Variants in TTLL8 observed in about 807,000 individuals in gnomAD.
TTLL8 encodes the protein protein monoglycylase TTLL8.
Under a neutral mutation model 77.8 loss-of-function variants are expected in TTLL8, and 65 were observed. The observed-to-expected ratio is 0.84, with a 90% CI of 0.68 to 1.03. TTLL8 has a LOEUF of 1.03. Among genes scored for constraint, TTLL8 ranks in the 50% least tolerant of loss-of-function variants. TTLL8 has a pLI of 0.00. For synonymous variants in TTLL8, 402 were observed against 422.8 expected, an observed-to-expected ratio of 0.95 and a Z score of 0.60; for missense variants, 910 against 1,004.5, an observed-to-expected ratio of 0.91 and a Z score of 1.27.
rs752125710 is a variant in TTLL8 at position 50,041,171 on chromosome 22, G to T, written c.921+16C>A. 1 of 424,282 alleles carries T rather than the reference G, an allele frequency of 2.4e-6. No homozygotes were observed. Among genetic ancestry groups the T allele is most frequent in the Non-Finnish European group, 4.7e-6 (1 of 214,656 alleles). The allele number at this position is 424,282 out of a possible 1,614,324, so 26.3% of individuals were successfully genotyped here. On this transcript the variant is annotated intron_variant, in intron 8 of 13. Transcript: ENST00000266182. The surrounding 1 kb of genome is among the most constrained non-coding windows in gnomAD (Gnocchi z 4.3). ...AGTGAGGCAGGTGCCCCAGTGGAGA[G>T]ACAGACAAACCCCACCTGCCTGTCT...
chr22:50,057,353 GT>G (rs1218746936), upstream of TTLL8, among the ~76,000 whole-genome samples: 1 of 121,394 alleles, frequency 8.2e-6, no homozygotes, highest in Non-Finnish European at 1.6e-5. Flanking sequence ...GGTCTGGGTT[GT>G]GAGTCAGGTC....
chr22:50,043,612 C>CTG, intron 6 of TTLL8, among the ~76,000 whole-genome samples: 6 of 151,542 alleles, frequency 4.0e-5, no homozygotes, highest in Admixed American at 2.0e-4. Flanking sequence ...AACAGTGGTG[C>CTG]CGACGTGTCC....
At position 50,052,166 on chromosome 22, in the gene TTLL8, G is replaced by A. The variant is rs570975610; in HGVS notation, c.52-1919C>T. On this transcript the variant is annotated intron_variant, in intron 1 of 13. Transcript: ENST00000266182. The stretch of plus-strand genomic sequence containing the variant: ...ATAATCAGTCTGAGGCCTGTCACCC[G>A]CCCACGTGGCTGTGCACGTGAATGA... Among the ~76,000 whole-genome samples the A allele has an allele frequency of 7.2e-5, 11 of 152,236 alleles. No homozygotes were observed. The South Asian group carries it at 1.9e-3, about 26-fold the overall frequency.
At chr22:50,056,202 A>G (rs144086694), upstream of TTLL8, among the ~76,000 whole-genome samples, 646 of 152,324 alleles carry the variant, frequency 4.2e-3, 6 homozygotes, top group African/African-American at 0.015. This position sits in a 1 kb window ranked among gnomAD's most constrained non-coding sequence, Gnocchi z 4.1. Context: ...CATACAGAGA[A>G]TTCCTGCAAG....
intron 11 of TTLL8, among the ~76,000 whole-genome samples, chr22:50,031,181 C>G (rs2061288907): frequency 6.6e-6 from 1 of 152,184 alleles, no homozygotes; most frequent in Non-Finnish European, 1.5e-5. Context: ...CTGCTCTTTT[C>G]CCGAGTTTAG....
chr22:50,026,116 G>A (rs1461965650), intron 12 of TTLL8, among the ~76,000 whole-genome samples: 1 of 152,248 alleles, frequency 6.6e-6, no homozygotes, highest in Non-Finnish European at 1.5e-5. Flanking sequence ...TCCTACAGTG[G>A]AAGCAAGGCA....
intron 8 of TTLL8, among the ~76,000 whole-genome samples, chr22:50,037,492 G>T (rs753889618): frequency 2.0e-5 from 3 of 152,200 alleles, no homozygotes; most frequent in South Asian, 2.1e-4. Flanking sequence ...GAGCCACCAC[G>T]CCCGGCCCAA....
intron 8 of TTLL8, among the ~76,000 whole-genome samples, chr22:50,035,453 C>T (rs1004214432): frequency 1.3e-5 from 2 of 152,142 alleles, no homozygotes; most frequent in Admixed American, 6.5e-5. Flanking sequence ...GGTGCCTGGG[C>T]GAGAGCCCCT....
chr22:50,026,683 T>C (rs1432344523), intron 12 of TTLL8, among the ~76,000 whole-genome samples: 2 of 152,238 alleles, frequency 1.3e-5, no homozygotes, highest in African/African-American at 4.8e-5. Flanking sequence ...TGTGGCTGTG[T>C]GGGTATCACA....
At chr22:50,021,023 A>G (rs1481913016) in intron 12 of TTLL8, among the ~76,000 whole-genome samples, 1 of 134,550 alleles carries the variant, frequency 7.4e-6, no homozygotes. Flanking sequence ...CCATCTGACA[A>G]CGTGCATTCC....
intron 12 of TTLL8, among the ~76,000 whole-genome samples, chr22:50,023,684 AAAATAAATAAAT>A (rs56403599): frequency 0.36 from 53,568 of 149,276 alleles, 9,860 homozygotes; most frequent in South Asian, 0.49. Context: ...ACTCCGTCTC[AAAATAAATAAAT>A]AAATAAATAA....
chr22:50,044,023 T>C lies in TTLL8; in HGVS notation c.643+1232A>G, dbSNP rs557530528. 1.3e-5 allele frequency among the ~76,000 whole-genome samples: 2 copies of C among 152,280 alleles called. No individual in the cohort carries two copies. The highest frequency in any genetic ancestry group is 4.1e-4 in the South Asian group (2 of 4,820). ...GATGTGTCATTGTAGGTTCATCAAT[T>C]GTGTTAAAATCATTAATTAGGCCAG... is the stretch of plus-strand genomic sequence containing the variant. On this transcript the variant is annotated intron_variant, in intron 6 of 13. Transcript: ENST00000266182. This position sits in a 1 kb window ranked among gnomAD's most constrained non-coding sequence, Gnocchi z 4.2.
At chr22:50,042,382 C>T (rs2061377443) in intron 6 of TTLL8, among the ~76,000 whole-genome samples, 1 of 152,158 alleles carries the variant, frequency 6.6e-6, no homozygotes, top group Non-Finnish European at 1.5e-5. Flanking sequence ...AAGATCTTGG[C>T]TCACTGCAAC....
At chr22:50,058,247 C>G (rs2061497877), upstream of TTLL8, among the ~76,000 whole-genome samples, 1 of 150,756 alleles carries the variant, frequency 6.6e-6, no homozygotes, top group African/African-American at 2.4e-5. The surrounding 1 kb of genome is among the most constrained non-coding windows in gnomAD (Gnocchi z 4.2). Flanking sequence ...TGTGCACCCC[C>G]GGTGCGGCGG....
chr22:50,027,802 T>C (rs2061240098), intron 12 of TTLL8: 4 of 985,450 alleles, frequency 4.1e-6, no homozygotes, highest in Non-Finnish European at 4.8e-6. Flanking sequence ...GAGGGGCACA[T>C]GGAGCTGGCC....
chr22:50,025,727 G>A (rs1314058719), intron 12 of TTLL8, among the ~76,000 whole-genome samples: 1 of 152,132 alleles, frequency 6.6e-6, no homozygotes, highest in Non-Finnish European at 1.5e-5. Flanking sequence ...TTTTACAATA[G>A]GAAAAAGACT....
At chr22:50,043,782 C>T (rs780021488) in intron 6 of TTLL8, among the ~76,000 whole-genome samples, 29 of 152,130 alleles carry the variant, frequency 1.9e-4, no homozygotes, top group Admixed American at 3.9e-4. Context: ...CTCCATGCTA[C>T]GTGGTTCTAA....
chr22:50,050,562 C>T, intron 1 of TTLL8, among the ~76,000 whole-genome samples: 1 of 151,970 alleles, frequency 6.6e-6, no homozygotes, highest in East Asian at 1.9e-4. Flanking sequence ...CTGCCCTCCT[C>T]CCCCACCTTG....
chr22:50,033,022 G>T, intron 10 of TTLL8, 180 bp downstream of exon 11: 1 of 537,924 alleles, frequency 1.9e-6, no homozygotes, highest in Non-Finnish European at 2.4e-6. Context: ...GTGGGCCTGG[G>T]CCTGTCCCTC....
Sources: allele counts gnomAD v4.1 joint callset (sites outside exome capture counted in the v4.1 genomes callset), GRCh38; gene constraint gnomAD v4.1.1; non-coding constraint Gnocchi (gnomAD v3.1); transcripts MANE v1.5; gene names NCBI Gene and HGNC (gene_info 2026-07-23, HGNC 2026-07-21).